The following PI4K2A variants were observed in gnomAD, a reference collection of about 807,000 sequenced individuals.
The protein encoded by PI4K2A is phosphatidylinositol 4-kinase type 2 alpha.
PI4K2A carries 20 observed loss-of-function variants against 55.0 expected under a neutral mutation model. The ratio of observed to expected loss-of-function variants is 0.36; its 90% CI spans 0.26 to 0.53. The LOEUF (loss-of-function observed/expected upper bound fraction) is 0.53. Among genes scored for constraint, PI4K2A ranks in the 20% least tolerant of loss-of-function variants. The pLI, the probability that PI4K2A is intolerant of heterozygous loss-of-function variation, is 0.91. For synonymous variants in PI4K2A, 235 were observed against 258.5 expected (o/e 0.91, Z 0.87); for missense variants, 463 against 637.1 (o/e 0.73, Z 2.94).
chr10:97,643,975 G>A (rs1448230006), intron 1 of PI4K2A, among the ~76,000 whole-genome samples: 1 of 152,160 alleles, frequency 6.6e-6, no homozygotes, highest in Non-Finnish European at 1.5e-5. Flanking sequence ...AGTGGTAGAG[G>A]CAGGATTGGG....
At chr10:97,648,050 C>T (rs965628801) in intron 1 of PI4K2A, among the ~76,000 whole-genome samples, 2 of 151,316 alleles carry the variant, frequency 1.3e-5, no homozygotes, top group African/African-American at 4.9e-5. Flanking sequence ...TTCTCCCCGC[C>T]GAGTAGCTGG....
At position 97,656,731 on chromosome 10, in the gene PI4K2A, T is replaced by C. The variant is rs1174489215; in HGVS notation, c.769-90T>C. On this transcript the variant is annotated intron_variant, in intron 3 of 8. Transcript: ENST00000370631. The surrounding 1 kb of genome is among the most constrained non-coding windows in gnomAD (Gnocchi z 4.5). Reference sequence around the variant, plus strand: ...TTTTCCTTCTCTGATACAAACTCCATAGGGCCTTAATGGGTATCTGGCATA... The same window carrying C: ...TTTTCCTTCTCTGATACAAACTCCACAGGGCCTTAATGGGTATCTGGCATA... 1.7e-6 allele frequency: 2 copies of C among 1,168,730 alleles called. No individual in the cohort carries two copies. Among genetic ancestry groups the C allele is most frequent in the Non-Finnish European group, 2.5e-6 (2 of 798,730 alleles). 72.4% of individuals were successfully genotyped at this position (1,168,730 alleles called of 1,614,324 possible). A position where few individuals can be genotyped will look rare whatever the true frequency, so the allele number is the denominator to read the frequency against.
rs1274005532 is a variant in PI4K2A, at chr10:97,666,580, T to A, written c.1218+9T>A. 6.2e-7 allele frequency: 1 copy of A among 1,604,296 alleles called. No homozygotes were observed. Among genetic ancestry groups the A allele is most frequent in the South Asian group, 1.1e-5 (1 of 89,198 alleles). The stretch of plus-strand genomic sequence containing the variant: ...TATATGAACTCTTCAAGGTTAGCCC[T>A]GGGAACCTCAGCCCTATTATCATAT... On this transcript the variant is annotated intron_variant, in intron 7 of 8. Coordinates refer to ENST00000370631, the Ensembl canonical transcript of PI4K2A.
chr10:97,662,480 C>G (rs959711448), intron 4 of PI4K2A, among the ~76,000 whole-genome samples: 23 of 152,098 alleles, frequency 1.5e-4, no homozygotes, highest in African/African-American at 4.8e-4. Context: ...AGTGTATTTC[C>G]AAGGTGTAGT....
chr10:97,640,894 C>T (rs2041463904), exon 1 of PI4K2A: 2 of 1,293,022 alleles, frequency 1.5e-6, no homozygotes, highest in African/African-American at 1.6e-5. Context: ...CCGCCGGGCT[C>T]GCCGGGCCAC....
chr10:97,640,997 C>T, exon 1 of PI4K2A: 1 of 1,544,494 alleles, frequency 6.5e-7, no homozygotes, highest in Non-Finnish European at 8.7e-7. Flanking sequence ...AGGCTCTGGC[C>T]GCTCAGGCCG....
intron 4 of PI4K2A, among the ~76,000 whole-genome samples, chr10:97,661,851 ATT>A (rs11293508): frequency 1.4e-3 from 178 of 125,946 alleles, no homozygotes; most frequent in South Asian, 1.8e-3. Context: ...TTCAGGTTTG[ATT>A]TTTTTTTTTT....
rs374496388 is a variant in PI4K2A, at chr10:97,673,325, G to A, written c.1279-256G>A. On this transcript the variant is annotated intron_variant, in intron 8 of 8. Transcript: ENST00000370631. ...TTTTTTGAATTCTCCCCAACTCTGC[G>A]TCGTTCTTTTGTATCTTTACTAACT... is the stretch of plus-strand genomic sequence containing the variant. Among the ~76,000 whole-genome samples, 10 of 152,188 alleles carry A rather than the reference G, an allele frequency of 6.6e-5. No individual in the cohort carries two copies. The East Asian group carries it at 7.7e-4, about 12-fold the overall frequency.
chr10:97,666,380 A>G (rs2135760791), intron 6 of PI4K2A, 58 bp from the exon 7 acceptor site: 1 of 1,553,858 alleles, frequency 6.4e-7, no homozygotes, highest in South Asian at 1.2e-5. Context: ...GGTGGAGGAC[A>G]CAGATGAGCA....
chr10:97,648,211 G>A (rs1450681616), intron 1 of PI4K2A, among the ~76,000 whole-genome samples: 4 of 149,056 alleles, frequency 2.7e-5, no homozygotes, highest in Non-Finnish European at 5.9e-5. Context: ...CTCCTGCCTC[G>A]CCTCCCGAGT....
In PI4K2A at chr10:97,642,859, CTTTCTTTTT is replaced by C. The variant is rs1564772304; in HGVS notation, c.435+1683_435+1691del. On this transcript the variant is annotated intron_variant, in intron 1 of 8. Transcript: ENST00000370631. ...CCTTCCTTCCTTCCTTCCTTTCTTT[CTTTCTTTTT>C]CTTTCTTTCTTTCTTTCTTCCTTCC... is the stretch of plus-strand genomic sequence containing the variant. Among the ~76,000 whole-genome samples, 72 of 23,816 alleles carry C rather than the reference CTTTCTTTTT, an allele frequency of 3.0e-3. 4 individuals are homozygous for C. The highest frequency in any genetic ancestry group is 6.0e-3 in the African/African-American group (42 of 7,000). The allele number at this position is 23,816 out of a possible 152,430, so 15.6% of individuals were successfully genotyped here. A position where few individuals can be genotyped will look rare whatever the true frequency, so the allele number is the denominator to read the frequency against.
intron 1 of PI4K2A, among the ~76,000 whole-genome samples, chr10:97,642,361 G>C (rs1024957658): frequency 2.6e-5 from 4 of 151,638 alleles, no homozygotes; most frequent in Middle Eastern, 3.2e-3. Flanking sequence ...GTTGGGGAAA[G>C]CTTTGCGAGT....
At chr10:97,667,533 C>G (rs1030919181) in intron 8 of PI4K2A, among the ~76,000 whole-genome samples, 1 of 152,092 alleles carries the variant, frequency 6.6e-6, no homozygotes, top group Non-Finnish European at 1.5e-5. Flanking sequence ...TTTTTAAGTC[C>G]GTTGTGTACA....
At chr10:97,645,311 G>A (rs934251458) in intron 1 of PI4K2A, among the ~76,000 whole-genome samples, 16 of 151,984 alleles carry the variant, frequency 1.1e-4, no homozygotes, top group African/African-American at 3.9e-4. Context: ...ATCGAATAAG[G>A]CTATAAGAGT....
chr10:97,662,949 T>C, exon 5 of PI4K2A: 1 of 1,602,242 alleles, frequency 6.2e-7, no homozygotes, highest in Non-Finnish European at 8.6e-7. Flanking sequence ...GACTGTCCAA[T>C]GGATAGTTCT....
chr10:97,649,608 G>A lies in PI4K2A; in HGVS notation c.436-1333G>A, dbSNP rs1444682955. ...ATTTCCTTAACCTCATTCCATAATA[G>A]ATTTTTTTTTTTTTTTTTTTTTTTT... On this transcript the variant is annotated intron_variant, in intron 1 of 8. Transcript: ENST00000370631. 1.6e-4 allele frequency among the ~76,000 whole-genome samples: 12 copies of A among 73,978 alleles called. No homozygotes were observed. In the East Asian group the frequency reaches 2.7e-3, roughly 17 times the overall value. The allele number at this position is 73,978 out of a possible 152,430, so 48.5% of individuals were successfully genotyped here. A position where few individuals can be genotyped will look rare whatever the true frequency, so the allele number is the denominator to read the frequency against.
At position 97,656,488 on chromosome 10, in the gene PI4K2A, G is replaced by T; in HGVS notation, c.768+72G>T. The T allele has an allele frequency of 6.8e-7, 1 of 1,469,294 alleles. No homozygotes were observed. Among genetic ancestry groups the T allele is most frequent in the Non-Finnish European group, 9.4e-7 (1 of 1,058,478 alleles). 91.0% of individuals were successfully genotyped at this position (1,469,294 alleles called of 1,614,324 possible). On this transcript the variant is annotated intron_variant, in intron 3 of 8. Transcript: ENST00000370631. This position sits in a 1 kb window ranked among gnomAD's most constrained non-coding sequence, Gnocchi z 4.5. Reference sequence around the variant, plus strand: ...ATAGTCATCCAAGTGGTGAAGCAAGGTGCCTACAACTCAAATATGGGCACG... The same window carrying T: ...ATAGTCATCCAAGTGGTGAAGCAAGTTGCCTACAACTCAAATATGGGCACG...
At chr10:97,674,094 C>A in exon 9 of PI4K2A, 2 of 188,176 alleles carry the variant, frequency 1.1e-5, no homozygotes, top group African/African-American at 2.3e-5. Context: ...ATCAGAAAAA[C>A]AAACAAAACA....
chr10:97,660,364 T>A (rs546344759), intron 4 of PI4K2A, among the ~76,000 whole-genome samples: 61 of 146,656 alleles, frequency 4.2e-4, no homozygotes, highest in African/African-American at 1.5e-3. Flanking sequence ...GGCATGATCT[T>A]GGCTCACTGC....
Sources: allele counts gnomAD v4.1 joint callset (sites outside exome capture counted in the v4.1 genomes callset), GRCh38; gene constraint gnomAD v4.1.1; non-coding constraint Gnocchi (gnomAD v3.1); transcripts MANE v1.5; gene names NCBI Gene and HGNC (gene_info 2026-07-23, HGNC 2026-07-21).